Variants in ZC3H11A observed in about 807,000 individuals in gnomAD.
ZC3H11A encodes zinc finger CCCH domain-containing protein 11A.
Under a neutral mutation model 90.8 loss-of-function variants are expected in ZC3H11A, and 22 were observed. The observed-to-expected ratio is 0.24, with a 90% CI of 0.17 to 0.35. The LOEUF (loss-of-function observed/expected upper bound fraction) is 0.35. ZC3H11A is among the 10% of genes least tolerant of loss of function. The pLI is 1.00. For missense variants in ZC3H11A, 701 were observed against 964.9 expected (o/e 0.73, Z 3.62); for synonymous variants, 294 against 339.8 (o/e 0.87, Z 1.48).
At position 203,831,697 on chromosome 1, in the gene ZC3H11A, C is replaced by T. The variant is rs1173699717; in HGVS notation, c.737C>T (p.Pro246Leu). The stretch of plus-strand genomic sequence containing the variant: ...GGAGTTTCCAGTCTTTTACTCCACC[C>T]TGAGCCCGTTCCAGGTCCTGAAAAA... ...SSGVSSLLLH[P>L]EPVPGPEKEN... The change falls in exon 9 of 18, where the codon CCT (proline) becomes CTT (leucine). Residue 246 changes from proline (P) to leucine (L), a missense_variant. Transcript: ENST00000367210. 1 of 1,613,108 alleles carries T rather than the reference C, an allele frequency of 6.2e-7. No individual in the cohort carries two copies. The highest frequency in any genetic ancestry group is 8.5e-7 in the Non-Finnish European group (1 of 1,179,654).
At chr1:203,803,760 T>C (rs901979908) in intron 2 of ZC3H11A, among the ~76,000 whole-genome samples, 2 of 152,082 alleles carry the variant, frequency 1.3e-5, no homozygotes, top group Non-Finnish European at 2.9e-5. Flanking sequence ...TGTGCCCCAC[T>C]GTACCTGGCT....
intron 8 of ZC3H11A, among the ~76,000 whole-genome samples, chr1:203,831,049 A>AT (rs1210203946): frequency 7.2e-6 from 1 of 139,194 alleles, no homozygotes; most frequent in Admixed American, 8.4e-5. Flanking sequence ...AGTTCAAGCT[A>AT]TTCTGCTGCC....
intron 1 of ZC3H11A, chr1:203,797,180 G>C (rs549402292): frequency 1.2e-5 from 2 of 169,542 alleles, no homozygotes; most frequent in African/African-American, 4.8e-5. Context: ...TCTGGGATTT[G>C]GAAGACCTGG....
intron 10 of ZC3H11A, among the ~76,000 whole-genome samples, chr1:203,835,312 A>G (rs903782536): frequency 2.0e-5 from 3 of 152,224 alleles, no homozygotes; most frequent in African/African-American, 7.2e-5. Flanking sequence ...TTGGCACTTG[A>G]TATCAGTAAA....
chr1:203,848,941 G>A (rs1361472039), intron 14 of ZC3H11A, among the ~76,000 whole-genome samples: 1 of 152,174 alleles, frequency 6.6e-6, no homozygotes, highest in Non-Finnish European at 1.5e-5. Context: ...CTGGAGTGCA[G>A]TGGCATGATC....
intron 12 of ZC3H11A, among the ~76,000 whole-genome samples, chr1:203,841,828 T>A (rs1371535199): frequency 7.0e-6 from 1 of 141,982 alleles, no homozygotes; most frequent in African/African-American, 2.6e-5. Flanking sequence ...GCGGAGGGGC[T>A]CCTCACTTCG....
At chr1:203,843,082 G>T (rs151157853) in intron 12 of ZC3H11A, among the ~76,000 whole-genome samples, 12 of 152,206 alleles carry the variant, frequency 7.9e-5, no homozygotes, top group Middle Eastern at 3.4e-3. Flanking sequence ...ATCATAAAAA[G>T]GGAGTCCGAT....
At chr1:203,809,454 G>T (rs1673590893) in intron 2 of ZC3H11A, among the ~76,000 whole-genome samples, 1 of 151,948 alleles carries the variant, frequency 6.6e-6, no homozygotes, top group East Asian at 1.9e-4. Flanking sequence ...GGGATTACAG[G>T]CCTGAGCCAC....
intron 2 of ZC3H11A, among the ~76,000 whole-genome samples, chr1:203,813,101 TC>T (rs1249856440): frequency 2.6e-5 from 4 of 152,356 alleles, no homozygotes; most frequent in African/African-American, 4.8e-5. Flanking sequence ...AAATATTTTC[TC>T]CCAGCCTGTG....
chr1:203,826,340 CAAT>C (rs1215737642), intron 4 of ZC3H11A, among the ~76,000 whole-genome samples: 12 of 150,426 alleles, frequency 8.0e-5, no homozygotes, highest in Non-Finnish European at 1.6e-4. Flanking sequence ...TAGAAAATAT[CAAT>C]AATATTAAAA....
intron 4 of ZC3H11A, among the ~76,000 whole-genome samples, chr1:203,819,411 G>A (rs1296184914): frequency 6.6e-6 from 1 of 150,924 alleles, no homozygotes; most frequent in African/African-American, 2.4e-5. Context: ...TAGTAGAGAC[G>A]GGGTTTTACC....
chr1:203,839,085 T>C (rs1416820480), intron 11 of ZC3H11A, among the ~76,000 whole-genome samples: 1 of 151,770 alleles, frequency 6.6e-6, no homozygotes, highest in African/African-American at 2.4e-5. Context: ...CATGCTGGCG[T>C]GGAGATGAGT....
chr1:203,812,736 C>T (rs1674944636), intron 2 of ZC3H11A, among the ~76,000 whole-genome samples: 1 of 151,732 alleles, frequency 6.6e-6, no homozygotes. Context: ...TGTGTGCTAC[C>T]ACGGCCAGCT....
At chr1:203,830,428 T>G (rs1024979252) in intron 8 of ZC3H11A, among the ~76,000 whole-genome samples, 2 of 152,234 alleles carry the variant, frequency 1.3e-5, no homozygotes, top group African/African-American at 4.8e-5. Flanking sequence ...TGAAAGAACT[T>G]GTATATCTTG....
chr1:203,827,590 G>A (rs1572157274), intron 4 of ZC3H11A, among the ~76,000 whole-genome samples: 2 of 151,914 alleles, frequency 1.3e-5, no homozygotes, highest in East Asian at 1.9e-4. Context: ...GCTGAGGCAG[G>A]AGAATGGCGT....
intron 14 of ZC3H11A, 27 bp from the exon 15 acceptor site, chr1:203,849,684 A>G (rs563999542): frequency 6.2e-7 from 1 of 1,609,634 alleles, no homozygotes; most frequent in African/African-American, 1.3e-5. Context: ...ACCAGATTTT[A>G]ATTCTGTCAT....
chr1:203,824,122 G>C (rs1679683015), intron 4 of ZC3H11A, among the ~76,000 whole-genome samples: 1 of 151,986 alleles, frequency 6.6e-6, no homozygotes, highest in Non-Finnish European at 1.5e-5. Flanking sequence ...ACAAAAATTA[G>C]TCGGGCGTGG....
At chr1:203,805,973 T>C in intron 2 of ZC3H11A, 1 of 600,438 alleles carries the variant, frequency 1.7e-6, no homozygotes, top group South Asian at 1.4e-5. Flanking sequence ...TTGGTATCCT[T>C]CAATGACTGG....
In ZC3H11A at chr1:203,828,396, A is replaced by G. The variant is rs772808553; in HGVS notation, c.272A>G (p.Asp91Gly). 1.2e-6 allele frequency: 2 copies of G among 1,613,680 alleles called. No homozygotes were observed. The highest frequency in any genetic ancestry group is 8.5e-7 in the Non-Finnish European group (1 of 1,179,768). Residue 91 changes from aspartate (D) to glycine (G), a missense_variant, in exon 5 of 18, where the codon GAT (aspartate) becomes GGT (glycine). By Grantham distance (94) the Asp-to-Gly change is moderately conservative. Transcript: ENST00000367210. ...CATCACAATAGAGGACGATATGTTG[A>G]TGGCCTTTTCCTACCTCCGAGCAAA... ...AFHHNRGRYVDGLFLPPSKTV... is the reference protein window; with the variant it reads ...AFHHNRGRYVGGLFLPPSKTV...
Sources: allele counts gnomAD v4.1 joint callset (sites outside exome capture counted in the v4.1 genomes callset), GRCh38; gene constraint gnomAD v4.1.1; transcripts MANE v1.5; gene names NCBI Gene and HGNC (gene_info 2026-07-23, HGNC 2026-07-21).